Variants in CNTLN observed in about 807,000 individuals in gnomAD.
The protein encoded by CNTLN is centlein, also known as centlein, centrosomal protein.
Under a neutral mutation model 180.0 loss-of-function variants are expected in CNTLN, and 212 were observed. The ratio of observed to expected loss-of-function variants is 1.18; its 90% confidence interval spans 1.05 to 1.32. The LOEUF is 1.32. Among genes scored for constraint, CNTLN ranks in the 40% most tolerant of loss-of-function variants. The probability of loss-of-function intolerance (pLI) is 0.00; values close to 1 mark genes in which losing one functional copy is unlikely to be tolerated. For synonymous variants in CNTLN, 722 were observed against 563.1 expected (o/e 1.28, Z -3.99); for missense variants, 2,095 against 1,610.9 (o/e 1.30, Z -5.14).
At chr9:17,291,691 A>G (rs891124753) in intron 6 of CNTLN, among the ~76,000 whole-genome samples, 3 of 152,126 alleles carry the variant, frequency 2.0e-5, no homozygotes, top group African/African-American at 2.4e-5. Context: ...TTTTGAGCCT[A>G]TGTGTGTCTT....
At chr9:17,294,512 C>G (rs1465884114) in intron 6 of CNTLN, among the ~76,000 whole-genome samples, 3 of 151,454 alleles carry the variant, frequency 2.0e-5, no homozygotes, top group Admixed American at 2.0e-4. Flanking sequence ...GGTGTGTTCA[C>G]AAACCTTGAG....
chr9:17,408,941 C>A (rs930753782), intron 15 of CNTLN, among the ~76,000 whole-genome samples: 2 of 152,048 alleles, frequency 1.3e-5, no homozygotes, highest in Non-Finnish European at 2.9e-5. Flanking sequence ...GAAGGAAAAA[C>A]TTTGTTAGAA....
chr9:17,303,152 A>T (rs1282393497), intron 7 of CNTLN, among the ~76,000 whole-genome samples: 1 of 152,124 alleles, frequency 6.6e-6, no homozygotes, highest in Non-Finnish European at 1.5e-5. Flanking sequence ...TAGAATTCAG[A>T]TCTAGGTAAT....
At chr9:17,518,863 G>A in the CNTLN span, among the ~76,000 whole-genome samples, 1 of 152,178 alleles carries the variant, frequency 6.6e-6, no homozygotes, top group East Asian at 1.9e-4. Context: ...GAGCTTCCCT[G>A]ATGGCTCCCT....
At chr9:17,469,998 A>C (rs773635616) in intron 23 of CNTLN, among the ~76,000 whole-genome samples, 7 of 151,888 alleles carry the variant, frequency 4.6e-5, no homozygotes, top group Non-Finnish European at 8.8e-5. Context: ...CTCAATATCA[A>C]CTATTATTAT....
intron 25 of CNTLN, among the ~76,000 whole-genome samples, chr9:17,499,955 A>G (rs899804026): frequency 1.3e-5 from 2 of 152,184 alleles, no homozygotes; most frequent in African/African-American, 4.8e-5. Flanking sequence ...TTGAATTAAA[A>G]TAAAAATTTT....
At chr9:17,269,613 C>A (rs1563942093) in intron 5 of CNTLN, among the ~76,000 whole-genome samples, 1 of 152,022 alleles carries the variant, frequency 6.6e-6, no homozygotes, top group African/African-American at 2.4e-5. Flanking sequence ...GGTTTTATTA[C>A]ATTGTGATCA....
chr9:17,344,518 T>A (rs893330422), intron 12 of CNTLN, among the ~76,000 whole-genome samples: 1 of 152,154 alleles, frequency 6.6e-6, no homozygotes, highest in African/African-American at 2.4e-5. Flanking sequence ...GAGCGCTGTG[T>A]GATAGTCAGT....
At chr9:17,379,037 A>C (rs1825010471) in intron 13 of CNTLN, among the ~76,000 whole-genome samples, 1 of 149,670 alleles carries the variant, frequency 6.7e-6, no homozygotes, top group Non-Finnish European at 1.5e-5. Flanking sequence ...TAAGTATAGA[A>C]TGCTACATTG....
the CNTLN span, among the ~76,000 whole-genome samples, chr9:17,523,386 A>C: frequency 6.8e-3 from 1,034 of 152,038 alleles, 5 homozygotes; most frequent in African/African-American, 0.023. Context: ...ACAGGTGTCC[A>C]CCACCACACC....
At chr9:17,184,309 A>G (rs994029621) in intron 2 of CNTLN, among the ~76,000 whole-genome samples, 1 of 139,390 alleles carries the variant, frequency 7.2e-6, no homozygotes, top group Non-Finnish European at 1.5e-5. Flanking sequence ...AAACATGAAT[A>G]TTTGTTATAA....
At chr9:17,419,419 A>G (rs1253066782) in intron 18 of CNTLN, among the ~76,000 whole-genome samples, 1 of 152,174 alleles carries the variant, frequency 6.6e-6, no homozygotes, top group Non-Finnish European at 1.5e-5. Flanking sequence ...CCACAGGTGT[A>G]AAGATACGAG....
Position 17,235,717 on chromosome 9 carries a change from T to C in CNTLN, c.594T>C (p.Asp198=). The change falls in exon 4 of 26, where the codon GAT becomes GAC. Residue 198 remains aspartate (D), a synonymous_variant. Coordinates refer to ENST00000380647, the MANE Select transcript of CNTLN (RefSeq NM_017738.4). Reference sequence around the variant, plus strand: ...TTGTAAAACGGAAAATTGCAGTAGATGAAGAAAATGCTTTCTTAAGGAAAG... The same window carrying C: ...TTGTAAAACGGAAAATTGCAGTAGACGAAGAAAATGCTTTCTTAAGGAAAG... ...NDLVKRKIAV[D]EENAFLRKEF... The C allele has an allele frequency of 6.2e-7, 1 of 1,608,024 alleles. No homozygotes were observed. Among genetic ancestry groups the C allele is most frequent in the Non-Finnish European group, 8.5e-7 (1 of 1,177,098 alleles).
chr9:17,331,064 T>G (rs1820611912), intron 9 of CNTLN, among the ~76,000 whole-genome samples: 2 of 151,994 alleles, frequency 1.3e-5, no homozygotes. Flanking sequence ...TAAATTAACA[T>G]TCTTATATTA....
At position 17,336,925 on chromosome 9, in the gene CNTLN, C is replaced by T. The variant is rs112411422; in HGVS notation, c.1645-3902C>T. Among the ~76,000 whole-genome samples, 140 of 152,272 alleles carry T rather than the reference C, an allele frequency of 9.2e-4. 1 individual carries two copies. The highest frequency in any genetic ancestry group is 2.8e-3 in the African/African-American group (116 of 41,560). On this transcript the variant is annotated intron_variant, in intron 10 of 25. Transcript: ENST00000380647. ...ACAATGGTTGAACTAATTTACCCTC[C>T]CGCCAACAGTGTACAAGTGTTTCTG...
intron 13 of CNTLN, among the ~76,000 whole-genome samples, chr9:17,370,783 G>A (rs1030914546): frequency 6.6e-6 from 1 of 151,888 alleles, no homozygotes. Context: ...ACAACAAAAA[G>A]TTAAAAACAG....
At chr9:17,391,175 A>G (rs10123109) in intron 14 of CNTLN, among the ~76,000 whole-genome samples, 75,674 of 151,994 alleles carry the variant, frequency 0.5, 20,104 homozygotes, top group Non-Finnish European at 0.6. Flanking sequence ...GTAATAGGCT[A>G]AGGAGGGGCA....
intron 5 of CNTLN, among the ~76,000 whole-genome samples, chr9:17,260,542 T>C (rs1826883287): frequency 6.6e-6 from 1 of 151,380 alleles, no homozygotes; most frequent in Admixed American, 6.6e-5. Context: ...TTAAGTTTCT[T>C]ATGGTTTCTG....
chr9:17,290,729 C>T (rs578247137), intron 6 of CNTLN, among the ~76,000 whole-genome samples: 2,405 of 151,624 alleles, frequency 0.016, 66 homozygotes, highest in African/African-American at 0.055. Context: ...CTTTTTAAGC[C>T]GGTCTGAAAA....
Sources: allele counts gnomAD v4.1 joint callset (sites outside exome capture counted in the v4.1 genomes callset), GRCh38; gene constraint gnomAD v4.1.1; transcripts MANE v1.5; gene names NCBI Gene and HGNC (gene_info 2026-07-23, HGNC 2026-07-21).